The following MYO3B variants were observed in gnomAD, a reference collection of about 807,000 sequenced individuals.
The protein encoded by MYO3B is myosin-IIIb.
Under a neutral mutation model 174.6 loss-of-function variants are expected in MYO3B, and 156 were observed. That is an observed-to-expected ratio of 0.89 (90% CI 0.78 to 1.02). The LOEUF is 1.02. Ranked by LOEUF, MYO3B falls within the 50% of genes least tolerant of loss-of-function variation. MYO3B has a pLI of 0.00. For synonymous variants in MYO3B, 563 were observed against 569.1 expected (o/e 0.99, Z 0.15); for missense variants, 1,632 against 1,639.4 (o/e 1.00, Z 0.08).
At chr2:170,580,711 C>CTT (rs1693079492) in intron 32 of MYO3B, among the ~76,000 whole-genome samples, 1 of 55,392 alleles carries the variant, frequency 1.8e-5, no homozygotes, top group African/African-American at 6.4e-5. Context: ...CCCACAAAAC[C>CTT]TTATATATGT....
intron 6 of MYO3B, among the ~76,000 whole-genome samples, chr2:170,226,928 T>C (rs2092958455): frequency 6.6e-6 from 1 of 152,182 alleles, no homozygotes; most frequent in Non-Finnish European, 1.5e-5. Flanking sequence ...GAGGAAAAAC[T>C]GATTCTGTTA....
chr2:170,592,311 G>T (rs1222055844), intron 32 of MYO3B, among the ~76,000 whole-genome samples: 1 of 152,172 alleles, frequency 6.6e-6, no homozygotes, highest in Non-Finnish European at 1.5e-5. Flanking sequence ...CAATACTAAT[G>T]AGGCTGTTCT....
At chr2:170,433,264 CA>C (rs952651229) in intron 22 of MYO3B, among the ~76,000 whole-genome samples, 6 of 150,490 alleles carry the variant, frequency 4.0e-5, no homozygotes, top group African/African-American at 1.5e-4. Context: ...CAAAACAAAA[CA>C]AAAAAAAGAG....
chr2:170,466,789 C>T, intron 25 of MYO3B, 78 bp downstream of exon 25: 2 of 1,410,344 alleles, frequency 1.4e-6, no homozygotes, highest in Non-Finnish European at 2.0e-6. Flanking sequence ...AAGATTGTTC[C>T]TCCTGCGTGC....
At chr2:170,560,547 C>G (rs182465600) in intron 32 of MYO3B, among the ~76,000 whole-genome samples, 2 of 152,212 alleles carry the variant, frequency 1.3e-5, no homozygotes, top group Non-Finnish European at 2.9e-5. Flanking sequence ...TAATGATATC[C>G]CTTTTTGTTA....
intron 32 of MYO3B, among the ~76,000 whole-genome samples, chr2:170,599,610 T>A (rs1320799509): frequency 6.6e-6 from 1 of 152,108 alleles, no homozygotes; most frequent in Admixed American, 6.6e-5. Context: ...TAGCCAGGCA[T>A]GGTGGCGGGC....
At chr2:170,493,545 C>A (rs1394437039) in intron 25 of MYO3B, among the ~76,000 whole-genome samples, 1 of 152,036 alleles carries the variant, frequency 6.6e-6, no homozygotes, top group Admixed American at 6.6e-5. Flanking sequence ...CTTGAGAGAT[C>A]TTTTGTGGTG....
At chr2:170,492,833 G>A (rs73025039) in intron 25 of MYO3B, among the ~76,000 whole-genome samples, 9,611 of 152,188 alleles carry the variant, frequency 0.063, 949 homozygotes, top group African/African-American at 0.21. Flanking sequence ...TATGTCCTTC[G>A]CAATCTTCTG....
At chr2:170,407,227 C>A (rs936926459) in intron 21 of MYO3B, among the ~76,000 whole-genome samples, 1 of 151,916 alleles carries the variant, frequency 6.6e-6, no homozygotes, top group African/African-American at 2.4e-5. Context: ...TTTGGGAGGC[C>A]GAGGCGGGTG....
intron 22 of MYO3B, among the ~76,000 whole-genome samples, chr2:170,413,224 G>C (rs112225699): frequency 0.012 from 1,900 of 152,290 alleles, 50 homozygotes; most frequent in African/African-American, 0.043. Context: ...ACTAAGAAAG[G>C]CTTATTGGAG....
intron 32 of MYO3B, among the ~76,000 whole-genome samples, chr2:170,631,687 C>T (rs1049716511): frequency 6.6e-6 from 1 of 152,050 alleles, no homozygotes; most frequent in Non-Finnish European, 1.5e-5. Flanking sequence ...GGAAGCCCAT[C>T]AGACTAACAG....
intron 22 of MYO3B, among the ~76,000 whole-genome samples, chr2:170,423,666 C>T (rs906790244): frequency 2.3e-4 from 34 of 150,116 alleles, no homozygotes; most frequent in African/African-American, 6.4e-4. Context: ...CTGCAACCTC[C>T]GCCTCCTGGG....
intron 32 of MYO3B, among the ~76,000 whole-genome samples, chr2:170,633,061 A>T (rs1697151752): frequency 1.3e-5 from 2 of 152,218 alleles, no homozygotes; most frequent in African/African-American, 4.8e-5. Flanking sequence ...AGCTGGTACC[A>T]TTCCTTTTGA....
intron 32 of MYO3B, among the ~76,000 whole-genome samples, chr2:170,629,256 C>A (rs71415217): frequency 0.012 from 1,840 of 152,264 alleles, 21 homozygotes; most frequent in Middle Eastern, 0.031. Context: ...GCTGGACTGC[C>A]AGCCACCCTG....
intron 1 of MYO3B, among the ~76,000 whole-genome samples, chr2:170,191,945 T>C (rs1021961310): frequency 2.0e-5 from 3 of 152,198 alleles, no homozygotes; most frequent in African/African-American, 7.2e-5. Context: ...TATTGGCTGA[T>C]TTTTAATTTA....
At chr2:170,337,393 C>T (rs977454041) in intron 8 of MYO3B, among the ~76,000 whole-genome samples, 1 of 152,190 alleles carries the variant, frequency 6.6e-6, no homozygotes, top group Non-Finnish European at 1.5e-5. Flanking sequence ...AAATCCATTA[C>T]ATATTCACTA....
intron 22 of MYO3B, among the ~76,000 whole-genome samples, chr2:170,435,121 A>G (rs1417587828): frequency 6.6e-6 from 1 of 152,258 alleles, no homozygotes; most frequent in Non-Finnish European, 1.5e-5. Flanking sequence ...AAACATTACC[A>G]GCCCAACTCA....
intron 16 of MYO3B, among the ~76,000 whole-genome samples, chr2:170,395,306 A>G (rs2094436926): frequency 1.3e-5 from 2 of 152,172 alleles, no homozygotes; most frequent in Admixed American, 6.5e-5. Flanking sequence ...TTAAAATTAT[A>G]TTTGTCTTCC....
chr2:170,291,979 A>G (rs2093599582), intron 7 of MYO3B, among the ~76,000 whole-genome samples: 1 of 151,918 alleles, frequency 6.6e-6, no homozygotes, highest in African/African-American at 2.4e-5. Context: ...CCTTTCTCAC[A>G]TTTTGGAAAA....
Sources: allele counts gnomAD v4.1 joint callset (sites outside exome capture counted in the v4.1 genomes callset), GRCh38; gene constraint gnomAD v4.1.1; transcripts MANE v1.5; gene names NCBI Gene and HGNC (gene_info 2026-07-23, HGNC 2026-07-21).